The following CADM3 variants were observed in gnomAD, a reference collection of about 807,000 sequenced individuals.
CADM3 encodes cell adhesion molecule 3.
Under a neutral mutation model 44.9 loss-of-function variants are expected in CADM3, and 11 were observed. The observed-to-expected ratio is 0.25, with a 90% CI of 0.15 to 0.41. The LOEUF is 0.41. Among genes scored for constraint, CADM3 ranks in the 10% least tolerant of loss-of-function variants. CADM3 has a pLI of 1.00. For synonymous variants in CADM3, 207 were observed against 205.2 expected, an observed-to-expected ratio of 1.01 and a Z score of -0.08; for missense variants, 426 against 512.0, an observed-to-expected ratio of 0.83 and a Z score of 1.62.
chr1:159,178,662 G>C lies in CADM3; in HGVS notation c.88+6809G>C, dbSNP rs558032265. Reference sequence around the variant, plus strand: ...ATAACCATCTTCTCCCAGAGCACAGGTCCTTGGCCATATCTCAGTAGATGC... The same window carrying C: ...ATAACCATCTTCTCCCAGAGCACAGCTCCTTGGCCATATCTCAGTAGATGC... On this transcript the variant is annotated intron_variant, in intron 1 of 8. Coordinates refer to ENST00000368125, the MANE Select transcript of CADM3 (RefSeq NM_001127173.3). 8 of 152,202 alleles carry C rather than the reference G, an allele frequency of 5.3e-5. No individual in the cohort carries two copies. In the South Asian group the frequency reaches 6.2e-4, roughly 12 times the overall value. The allele number at this position is 152,202 out of a possible 1,614,324, so 9.4% of individuals were successfully genotyped here.
At chr1:159,178,547 G>A (rs1649112073) in intron 1 of CADM3, 1 of 152,192 alleles carries the variant, frequency 6.6e-6, no homozygotes, top group South Asian at 2.1e-4. Flanking sequence ...GGCCTGGTTA[G>A]TACATGTATA....
In CADM3 at chr1:159,201,593, G is replaced by A. The variant is rs1235983877; in HGVS notation, c.*671G>A. On this transcript the variant is annotated 3_prime_UTR_variant, in exon 9 of 9. Coordinates refer to ENST00000368125, the MANE Select transcript of CADM3 (RefSeq NM_001127173.3). ...CAACATGCAGCCATGCAGGGACCCA[G>A]GACTGTAACCTGGGGAGGACGCGGG... The A allele has an allele frequency of 1.3e-5, 2 of 152,350 alleles. No individual in the cohort carries two copies. Among genetic ancestry groups the A allele is most frequent in the Non-Finnish European group, 2.9e-5 (2 of 68,142 alleles). 9.4% of individuals were successfully genotyped at this position (152,350 alleles called of 1,614,324 possible).
chr1:159,195,095 T>G (rs1235428677), intron 5 of CADM3: 1 of 152,228 alleles, frequency 6.6e-6, no homozygotes, highest in Non-Finnish European at 1.5e-5. Flanking sequence ...AATCATATCT[T>G]AGACCCATTA....
intron 1 of CADM3, among the ~76,000 whole-genome samples, chr1:159,173,413 C>T (rs995769667): frequency 6.6e-6 from 1 of 152,092 alleles, no homozygotes; most frequent in Non-Finnish European, 1.5e-5. Context: ...GATCCCCTCC[C>T]TATAGTTGGC....
At chr1:159,197,243 C>T (rs1649943367) in intron 7 of CADM3, 183 bp downstream of exon 7, 10 of 573,766 alleles carry the variant, frequency 1.7e-5, no homozygotes, top group African/African-American at 3.8e-5. Context: ...GTGTAATGGC[C>T]GCTTAGTGAA....
intron 1 of CADM3, among the ~76,000 whole-genome samples, chr1:159,174,457 G>A (rs568423334): frequency 6.6e-6 from 1 of 152,318 alleles, no homozygotes; most frequent in South Asian, 2.1e-4. Flanking sequence ...TATGAGAGAT[G>A]TGGTGGGAAG....
At chr1:159,192,931 G>A (rs1264375640) in intron 3 of CADM3, among the ~76,000 whole-genome samples, 1 of 152,134 alleles carries the variant, frequency 6.6e-6, no homozygotes, top group Admixed American at 6.5e-5. Flanking sequence ...TTTGATCTAG[G>A]ACAAGGTTCT....
intron 1 of CADM3, among the ~76,000 whole-genome samples, chr1:159,188,809 G>T (rs1247312300): frequency 8.5e-5 from 13 of 152,216 alleles, no homozygotes. Context: ...GGGTAAGGTA[G>T]GTGCCAAAGG....
chr1:159,175,372 C>T (rs756820513), intron 1 of CADM3, among the ~76,000 whole-genome samples: 6 of 152,202 alleles, frequency 3.9e-5, no homozygotes, highest in Admixed American at 1.3e-4. Context: ...ATGTATGTAA[C>T]GTCAACTGCC....
Position 159,203,031 on chromosome 1 carries a change from G to A in CADM3, c.*2109G>A, listed in dbSNP as rs554431821. The A allele has an allele frequency of 1.5e-5, 2 of 133,742 alleles. No individual in the cohort carries two copies. The highest frequency in any genetic ancestry group is 7.5e-5 in the Admixed American group (1 of 13,402). The allele number at this position is 133,742 out of a possible 1,614,324, so 8.3% of individuals were successfully genotyped here. ...GTGCTGTGTGTGTCTGTCCAGGGGT[G>A]GGGGGGTGGGGGAAGGGAGCAGGGA... On this transcript the variant is annotated 3_prime_UTR_variant, in exon 9 of 9. Coordinates refer to ENST00000368125, the MANE Select transcript of CADM3 (RefSeq NM_001127173.3).
chr1:159,193,839 TTG>T, intron 4 of CADM3, 29 bp from the exon 5 acceptor site: 1 of 1,608,044 alleles, frequency 6.2e-7, no homozygotes, highest in African/African-American at 1.3e-5. Flanking sequence ...CTCTGTGTGT[TTG>T]TGTGTGTGCC....
At chr1:159,177,839 T>A (rs1476563904) in intron 1 of CADM3, among the ~76,000 whole-genome samples, 1 of 152,208 alleles carries the variant, frequency 6.6e-6, no homozygotes, top group Non-Finnish European at 1.5e-5. Flanking sequence ...TTTTGTCATA[T>A]CTGGATTCAT....
intron 8 of CADM3, 89 bp downstream of exon 8, chr1:159,199,965 A>G: frequency 6.7e-7 from 1 of 1,500,790 alleles, no homozygotes; most frequent in Non-Finnish European, 9.1e-7. Context: ...GACAGTGGAA[A>G]GGGCCTTCAG....
chr1:159,199,139 A>G (rs549306121), intron 7 of CADM3, among the ~76,000 whole-genome samples: 4 of 152,210 alleles, frequency 2.6e-5, no homozygotes, highest in Non-Finnish European at 4.4e-5. Context: ...TCTTGGCTCT[A>G]TCAGGTTTTA....
chr1:159,194,086 G>C, intron 5 of CADM3, 46 bp downstream of exon 5: 1 of 1,564,234 alleles, frequency 6.4e-7, no homozygotes, highest in Non-Finnish European at 8.7e-7. Context: ...TATGAGATGA[G>C]GACCAGGGAG....
chr1:159,184,654 G>A (rs899315007), intron 1 of CADM3, among the ~76,000 whole-genome samples: 12 of 152,070 alleles, frequency 7.9e-5, no homozygotes, highest in Non-Finnish European at 1.8e-4. Context: ...GACACGGCAG[G>A]GACAATATAT....
In CADM3 at chr1:159,187,314, C is replaced by T. The variant is rs77042543; in HGVS notation, c.89-4622C>T. 1.0e-3 allele frequency among the ~76,000 whole-genome samples: 159 copies of T among 152,308 alleles called. 5 individuals are homozygous for T. In the East Asian group the frequency reaches 0.03, roughly 29 times the overall value. The stretch of plus-strand genomic sequence containing the variant: ...AATAACTTAAGGCTCCTGCTCTTAA[C>T]CAGCTCAAAGTTTAGATGAGGAGAC... On this transcript the variant is annotated intron_variant, in intron 1 of 8. Transcript: ENST00000368125.
At chr1:159,197,548 T>C (rs146141910) in intron 7 of CADM3, 2 of 152,666 alleles carry the variant, frequency 1.3e-5, no homozygotes, top group African/African-American at 4.8e-5. Context: ...GCTTGTACTA[T>C]GCCAAGAGAC....
intron 1 of CADM3, among the ~76,000 whole-genome samples, chr1:159,188,279 C>G (rs1419253321): frequency 1.3e-5 from 2 of 151,318 alleles, no homozygotes; most frequent in Non-Finnish European, 2.9e-5. Context: ...TCTCCACCCC[C>G]TCTTTATCCT....
Sources: gnomAD v4.1 joint callset for allele counts (sites outside exome capture counted in the v4.1 genomes callset) on GRCh38, gnomAD v4.1.1 for gene constraint, MANE v1.5 for transcripts, NCBI Gene and HGNC (gene_info 2026-07-23, HGNC 2026-07-21) for gene names.